The following VCF2 variants were observed in gnomAD, a reference collection of about 807,000 sequenced individuals.
The protein encoded by VCF2 is protein VCF2.
the VCF2 span, among the ~76,000 whole-genome samples, chrX:55,158,268 T>C: frequency 8.9e-6 from 1 of 112,036 alleles, no homozygotes; most frequent in Admixed American, 9.4e-5. Flanking sequence ...TGAGGTTCCT[T>C]TAACACTCCA....
the VCF2 span, chrX:55,161,152 C>A: frequency 5.8e-6 from 7 of 1,206,366 alleles, no homozygotes; most frequent in Non-Finnish European, 7.8e-6. Flanking sequence ...AGGGCAGCCT[C>A]CCATAGTCCT....
chrX:55,161,138 G>A, the VCF2 span: 4 of 1,208,370 alleles, frequency 3.3e-6, no homozygotes, highest in East Asian at 8.9e-5. Flanking sequence ...CGAACTTACC[G>A]TACAGGGCAG....
the VCF2 span, among the ~76,000 whole-genome samples, chrX:55,147,426 T>C: frequency 1.8e-5 from 2 of 110,458 alleles, no homozygotes; most frequent in East Asian, 5.6e-4. Flanking sequence ...GAGTTAGCAA[T>C]AGCAATCAAA....
chrX:55,153,867 T>C, the VCF2 span, among the ~76,000 whole-genome samples: 1 of 111,712 alleles, frequency 9.0e-6, no homozygotes, highest in Non-Finnish European at 1.9e-5. Flanking sequence ...TAACCTCCTT[T>C]AGCCTAGTAA....
At chrX:55,150,784 G>T in the VCF2 span, among the ~76,000 whole-genome samples, 2 of 111,251 alleles carry the variant, frequency 1.8e-5, no homozygotes, top group Non-Finnish European at 3.8e-5. Flanking sequence ...TAACTTTGGA[G>T]ACTGTGATAC....
At chrX:55,145,877 A>G in the VCF2 span, 1 of 967,059 alleles carries the variant, frequency 1.0e-6, no homozygotes, top group Admixed American at 4.7e-5. Context: ...ATGTAGAAAG[A>G]GTAAAATAAA....
At chrX:55,160,229 T>C in the VCF2 span, among the ~76,000 whole-genome samples, 4 of 112,484 alleles carry the variant, frequency 3.6e-5, no homozygotes, top group Non-Finnish European at 7.5e-5. Flanking sequence ...CTCCTCCAGG[T>C]GCCAGGATAA....
the VCF2 span, among the ~76,000 whole-genome samples, chrX:55,152,659 C>CAAAG: frequency 8.9e-6 from 1 of 112,134 alleles, no homozygotes; most frequent in Non-Finnish European, 1.9e-5. Context: ...TCACTAAAGA[C>CAAAG]AAAGCCAAGG....
At chrX:55,157,426 C>T in the VCF2 span, among the ~76,000 whole-genome samples, 102 of 111,492 alleles carry the variant, frequency 9.1e-4, no homozygotes, top group African/African-American at 2.9e-3. Context: ...CCAGCTATTC[C>T]GGAGGCTGAA....
chrX:55,154,858 T>G, the VCF2 span, among the ~76,000 whole-genome samples: 441 of 112,578 alleles, frequency 3.9e-3, 2 homozygotes, highest in Middle Eastern at 9.3e-3. Context: ...ATACAATGTA[T>G]AAGAAGGCAC....
chrX:55,157,249 A>C, the VCF2 span, among the ~76,000 whole-genome samples: 1 of 112,425 alleles, frequency 8.9e-6, no homozygotes, highest in South Asian at 3.7e-4. Flanking sequence ...AATTTCACCA[A>C]AGCCGGGGCG....
chrX:55,151,818 T>C, the VCF2 span, among the ~76,000 whole-genome samples: 2 of 111,405 alleles, frequency 1.8e-5, no homozygotes, highest in African/African-American at 6.5e-5. Context: ...TTTTCATTTT[T>C]TTTCTTTCTT....
chrX:55,144,590 A>ATGTG, the VCF2 span, among the ~76,000 whole-genome samples: 69 of 106,735 alleles, frequency 6.5e-4, no homozygotes, highest in African/African-American at 2.1e-3. Context: ...AACCATGAAA[A>ATGTG]TGTGTGTGTG....
chrX:55,157,308 G>A, the VCF2 span, among the ~76,000 whole-genome samples: 39 of 112,119 alleles, frequency 3.5e-4, no homozygotes, highest in South Asian at 3.3e-3. Flanking sequence ...CGAGGCGGGC[G>A]GATCACTTGA....
At chrX:55,161,044 A>G in the VCF2 span, 2 of 1,183,837 alleles carry the variant, frequency 1.7e-6, no homozygotes, top group Non-Finnish European at 1.1e-6. Context: ...TTCCGCCCTG[A>G]GCCCCGAGAT....
chrX:55,144,224 T>A, the VCF2 span, among the ~76,000 whole-genome samples: 1 of 111,542 alleles, frequency 9.0e-6, no homozygotes, highest in African/African-American at 3.3e-5. Flanking sequence ...GAATTCTTCC[T>A]GGGTATTTCT....
chrX:55,143,946 A>G, the VCF2 span: 1 of 704,970 alleles, frequency 1.4e-6, no homozygotes, highest in East Asian at 3.4e-5. Context: ...CCACTCTGGA[A>G]TAAGACTGTG....
the VCF2 span, among the ~76,000 whole-genome samples, chrX:55,151,365 A>C: frequency 8.9e-6 from 1 of 112,496 alleles, no homozygotes; most frequent in East Asian, 2.8e-4. Context: ...GTAAGTAAAG[A>C]ATGGCACTTT....
At chrX:55,160,960 G>C in the VCF2 span, 1 of 1,165,375 alleles carries the variant, frequency 8.6e-7, no homozygotes, top group South Asian at 1.9e-5. Context: ...CCGCGCCACC[G>C]GCCAACACTG....
Sources: allele counts gnomAD v4.1 joint callset (sites outside exome capture counted in the v4.1 genomes callset), GRCh38; gene constraint gnomAD v4.1.1; transcripts MANE v1.5; gene names NCBI Gene and HGNC (gene_info 2026-07-23, HGNC 2026-07-21).